The following MEIOB variants were observed in gnomAD, a reference collection of about 807,000 sequenced individuals.
MEIOB encodes the protein meiosis specific with OB-fold.
MEIOB carries 50 observed loss-of-function variants against 53.1 expected under a neutral mutation model. That is an observed-to-expected ratio of 0.94 (90% CI 0.75 to 1.19). The LOEUF (loss-of-function observed/expected upper bound fraction) is 1.19, where lower values mean the gene tolerates loss of function less well. Among genes scored for constraint, MEIOB ranks in the 50% most tolerant of loss-of-function variants. The probability of loss-of-function intolerance (pLI) is 0.00; values close to 1 mark genes in which losing one functional copy is unlikely to be tolerated. For synonymous variants in MEIOB, 192 were observed against 182.5 expected, an observed-to-expected ratio of 1.05 and a Z score of -0.42; for missense variants, 551 against 550.8, an observed-to-expected ratio of 1.00 and a Z score of 0.00.
At chr16:1,860,522 A>T in intron 4 of MEIOB, 47 bp from the exon 5 acceptor site, 1 of 1,074,612 alleles carries the variant, frequency 9.3e-7, no homozygotes, top group Non-Finnish European at 1.4e-6. Flanking sequence ...CAGTAACAAG[A>T]TAAACACTAA....
At chr16:1,853,348 T>C in intron 7 of MEIOB, 77 bp from the exon 8 acceptor site, 3 of 1,199,614 alleles carry the variant, frequency 2.5e-6, no homozygotes, top group East Asian at 2.5e-5. Flanking sequence ...TTTACAACAA[T>C]AAAAGAAAGC....
chr16:1,850,301 G>A (rs754098199), intron 9 of MEIOB, among the ~76,000 whole-genome samples: 2 of 152,122 alleles, frequency 1.3e-5, no homozygotes, highest in Middle Eastern at 3.2e-3. Flanking sequence ...ATAACAGGCC[G>A]GGCGTGGTGG....
intron 13 of MEIOB, among the ~76,000 whole-genome samples, chr16:1,835,091 C>G (rs1370982700): frequency 6.6e-6 from 1 of 152,050 alleles, no homozygotes; most frequent in African/African-American, 2.4e-5. Context: ...CCTGTCTCTA[C>G]TAAAAATATA....
chr16:1,846,427 C>T (rs1309152629), intron 9 of MEIOB, among the ~76,000 whole-genome samples: 1 of 152,174 alleles, frequency 6.6e-6, no homozygotes, highest in Admixed American at 6.5e-5. Context: ...GGAATCTGGA[C>T]ACCTGGCTAG....
chr16:1,857,700 AG>A (rs879260451), intron 6 of MEIOB, 34 bp downstream of exon 6: 2 of 1,524,180 alleles, frequency 1.3e-6, no homozygotes, highest in Non-Finnish European at 1.8e-6. Flanking sequence ...CTCCCCTGCC[AG>A]ATTGCACTTG....
intron 1 of MEIOB, among the ~76,000 whole-genome samples, chr16:1,870,537 C>T (rs1032051894): frequency 1.3e-5 from 2 of 152,308 alleles, no homozygotes; most frequent in African/African-American, 2.4e-5. Flanking sequence ...TGTGTTTTAA[C>T]ATTACTAAAC....
At position 1,836,569 on chromosome 16, in the gene MEIOB, G is replaced by T. The variant is rs563325989; in HGVS notation, c.1305+1215C>A. The stretch of plus-strand genomic sequence containing the variant: ...CTGCAACTTTACTGCCTTTGGCCTG[G>T]TAGTGAAGAGGCCTCAAGCCGAGGT... On this transcript the variant is annotated intron_variant, in intron 13 of 13. Coordinates refer to ENST00000325962, the MANE Select transcript of MEIOB (RefSeq NM_001163560.3). Among the ~76,000 whole-genome samples, 12 of 152,104 alleles carry T rather than the reference G, an allele frequency of 7.9e-5. No individual in the cohort carries two copies. The South Asian group carries it at 2.5e-3, about 31-fold the overall frequency.
chr16:1,869,818 T>C (rs1899692782), intron 1 of MEIOB, among the ~76,000 whole-genome samples: 1 of 151,636 alleles, frequency 6.6e-6, no homozygotes, highest in Non-Finnish European at 1.5e-5. Flanking sequence ...ACAGCAAAAA[T>C]CTACGTAAAC....
At chr16:1,839,210 T>C in intron 12 of MEIOB, 45 bp downstream of exon 12, 1 of 1,497,476 alleles carries the variant, frequency 6.7e-7, no homozygotes, top group Non-Finnish European at 8.9e-7. Flanking sequence ...GAAAAAGCAT[T>C]CACTTTGGAA....
chr16:1,839,226 C>G, intron 12 of MEIOB, 29 bp downstream of exon 12: 1 of 1,539,366 alleles, frequency 6.5e-7, no homozygotes, highest in Non-Finnish European at 8.7e-7. Flanking sequence ...TGGAAATATT[C>G]TAAACATTTC....
rs536122851 is a variant in MEIOB at position 1,846,961 on chromosome 16, C to T, written c.779-1998G>A. 5.3e-5 allele frequency among the ~76,000 whole-genome samples: 8 copies of T among 151,928 alleles called. No individual in the cohort carries two copies. The South Asian group carries it at 1.7e-3, about 32-fold the overall frequency. On this transcript the variant is annotated intron_variant, in intron 9 of 13. Transcript: ENST00000325962. ...CACGAGGTCAGGAGATCAAGACCATCCTGGCCAACATGGTGAAACCCCGTC... is the reference window on the plus strand; with the variant it reads ...CACGAGGTCAGGAGATCAAGACCATTCTGGCCAACATGGTGAAACCCCGTC...
At chr16:1,839,486 A>T (rs1898841532) in intron 11 of MEIOB, 48 bp from the exon 12 acceptor site, 1 of 1,495,530 alleles carries the variant, frequency 6.7e-7, no homozygotes, top group Non-Finnish European at 9.1e-7. Context: ...CTAAGCTACA[A>T]ATTTCATCTG....
rs1159715105 is a variant in MEIOB at position 1,853,090 on chromosome 16, T to C, written c.727A>G (p.Asn243Asp). 7.4e-6 allele frequency: 12 copies of C among 1,613,184 alleles called. No individual in the cohort carries two copies. The highest frequency in any genetic ancestry group is 1.0e-5 in the Non-Finnish European group (12 of 1,179,378). Residue 243 changes from asparagine (N) to aspartate (D), a missense_variant, in exon 9 of 14, where the codon AAC becomes GAC. By Grantham distance (23) the Asn-to-Asp change is conservative. Transcript: ENST00000325962. ...DVRINFDKFR[N>D]CMTATVISKT... ...GAGATTACAGTTGCTGTCATGCAGT[T>C]CCGAAATTTGTCAAAATTTATTCTT... is the stretch of plus-strand genomic sequence containing the variant.
chr16:1,866,811 C>A (rs1182337036), intron 2 of MEIOB, among the ~76,000 whole-genome samples: 1 of 152,194 alleles, frequency 6.6e-6, no homozygotes, highest in Non-Finnish European at 1.5e-5. Context: ...CTAATTGCAG[C>A]AACTGATTTT....
Position 1,861,993 on chromosome 16 carries a change from C to T in MEIOB, c.251G>A (p.Gly84Asp), listed in dbSNP as rs1294989125. ...IKSLSDSFRV[G>D]DCVIIENPLI... ...AATCAATGCCAACTTACCACAGTCACCAACCCTAAAGCTGTCAGAAAGAGA... is the reference window on the plus strand; with the variant it reads ...AATCAATGCCAACTTACCACAGTCATCAACCCTAAAGCTGTCAGAAAGAGA... Residue 84 changes from glycine (G) to aspartate (D), a missense_variant, in exon 4 of 14, where the codon GGT (glycine) becomes GAT (aspartate). Coordinates refer to ENST00000325962, the MANE Select transcript of MEIOB (RefSeq NM_001163560.3). 6.5e-7 allele frequency: 1 copy of T among 1,549,542 alleles called. No homozygotes were observed. Among genetic ancestry groups the T allele is most frequent in the Admixed American group, 2.0e-5 (1 of 50,448 alleles).
At chr16:1,862,647 G>A (rs1020704112) in intron 3 of MEIOB, among the ~76,000 whole-genome samples, 1 of 151,940 alleles carries the variant, frequency 6.6e-6, no homozygotes, top group African/African-American at 2.4e-5. Context: ...TAGGCCGGGC[G>A]CAATGGCTCA....
chr16:1,836,236 G>A (rs1384403652), intron 13 of MEIOB, among the ~76,000 whole-genome samples: 5 of 152,126 alleles, frequency 3.3e-5, no homozygotes, highest in Non-Finnish European at 7.3e-5. Context: ...AAAATACTGT[G>A]TTACCTAATG....
chr16:1,865,920 C>A, intron 2 of MEIOB, 85 bp from the exon 3 acceptor site: 1 of 857,970 alleles, frequency 1.2e-6, no homozygotes, highest in Non-Finnish European at 1.8e-6. Flanking sequence ...TTATACTTTA[C>A]TGGCTCTAAC....
At chr16:1,865,405 C>G (rs1899561623) in intron 3 of MEIOB, among the ~76,000 whole-genome samples, 2 of 147,868 alleles carry the variant, frequency 1.4e-5, no homozygotes, top group South Asian at 4.2e-4. Context: ...GCACTCCAGC[C>G]TGAGTGACAG....
Sources: allele counts gnomAD v4.1 joint callset (sites outside exome capture counted in the v4.1 genomes callset), GRCh38; gene constraint gnomAD v4.1.1; transcripts MANE v1.5; gene names NCBI Gene and HGNC (gene_info 2026-07-23, HGNC 2026-07-21).